Variants in TBCD observed in about 807,000 individuals in gnomAD.
The protein encoded by TBCD is tubulin-specific chaperone D.
TBCD carries 105 observed loss-of-function variants against 169.3 expected under a neutral mutation model. The ratio of observed to expected loss-of-function variants is 0.62; its 90% CI spans 0.53 to 0.73. The LOEUF is 0.73. TBCD is among the 30% of genes least tolerant of loss of function. TBCD has a pLI of 0.00. For synonymous variants in TBCD, 700 were observed against 643.9 expected, an observed-to-expected ratio of 1.09 and a Z score of -1.32; for missense variants, 1,444 against 1,600.1, an observed-to-expected ratio of 0.90 and a Z score of 1.66.
At chr17:82,805,841 C>T (rs2050919924) in intron 9 of TBCD, 34 bp from the exon 10 acceptor site, 3 of 1,583,396 alleles carry the variant, frequency 1.9e-6, no homozygotes, top group Non-Finnish European at 2.6e-6. Flanking sequence ...CTGTGAGCTA[C>T]AAAGCTGATC....
Position 82,874,699 on chromosome 17 carries a change from G to A in TBCD, c.1475+4319G>A, listed in dbSNP as rs1278528913. Among the ~76,000 whole-genome samples, 2 of 152,216 alleles carry A rather than the reference G, an allele frequency of 1.3e-5. No individual in the cohort carries two copies. Among genetic ancestry groups the A allele is most frequent in the Non-Finnish European group, 2.9e-5 (2 of 68,030 alleles). ...ATCCGGCCGGGCGGGCTGTGAGTCAGGCTGCACCAGGTGAGCGTGTGGGAT... is the reference window on the plus strand; with the variant it reads ...ATCCGGCCGGGCGGGCTGTGAGTCAAGCTGCACCAGGTGAGCGTGTGGGAT... On this transcript the variant is annotated intron_variant, in intron 14 of 38. Transcript: ENST00000355528. The surrounding 1 kb of genome is among the most constrained non-coding windows in gnomAD (Gnocchi z 5.0).
Position 82,944,929 on chromosome 17 carries a change from A to AATCT in TBCD, c.*2471_*2474dup, listed in dbSNP as rs1421703842. On this transcript the variant is annotated 3_prime_UTR_variant, in exon 39 of 39. Coordinates refer to ENST00000355528, the MANE Select transcript of TBCD (RefSeq NM_005993.5). Reference sequence around the variant, plus strand: ...GGAACAGCAGCAAGACTCTTATCTCAATCTATCTCCCCTGAAGTGGCCTGA... The same window carrying AATCT: ...GGAACAGCAGCAAGACTCTTATCTCAATCTATCTATCTCCCCTGAAGTGGCCTGA... The AATCT allele has an allele frequency of 6.6e-6, 1 of 152,184 alleles. No homozygotes were observed. The highest frequency in any genetic ancestry group is 2.4e-5 in the African/African-American group (1 of 41,448). The allele number at this position is 152,184 out of a possible 1,614,324, so 9.4% of individuals were successfully genotyped here. A position where few individuals can be genotyped will look rare whatever the true frequency, so the allele number is the denominator to read the frequency against.
intron 13 of TBCD, among the ~76,000 whole-genome samples, chr17:82,858,330 C>T (rs1487574991): frequency 2.0e-5 from 3 of 152,160 alleles, no homozygotes; most frequent in Non-Finnish European, 4.4e-5. Context: ...AGAAAGCAAC[C>T]TCTTCATGAA....
chr17:82,923,123 C>T lies in TBCD; in HGVS notation c.2179-529C>T, dbSNP rs937755571. ...AGGCTGACGTGGCTTGGCCTGAAGG[C>T]CCTGCCCCGTTACTCTGGGTGCATA... is the stretch of plus-strand genomic sequence containing the variant. On this transcript the variant is annotated intron_variant, in intron 25 of 38. Coordinates refer to ENST00000355528, the MANE Select transcript of TBCD (RefSeq NM_005993.5). The surrounding 1 kb of genome is among the most constrained non-coding windows in gnomAD (Gnocchi z 4.6). Among the ~76,000 whole-genome samples, 3 of 152,202 alleles carry T rather than the reference C, an allele frequency of 2.0e-5. No individual in the cohort carries two copies. Among genetic ancestry groups the T allele is most frequent in the African/African-American group, 7.2e-5 (3 of 41,452 alleles).
chr17:82,842,926 G>A (rs994531998), intron 13 of TBCD, among the ~76,000 whole-genome samples: 4 of 151,700 alleles, frequency 2.6e-5, no homozygotes, highest in Non-Finnish European at 5.9e-5. Flanking sequence ...GACTACAGGC[G>A]CCCTCCACCA....
At position 82,903,348 on chromosome 17, in the gene TBCD, G is replaced by A; in HGVS notation, c.1731-57G>A. ...CTCCCTCACTTTCTTTTTATGAATT[G>A]AATAAAGCTAGAATCATAAAATGAA... On this transcript the variant is annotated intron_variant, in intron 18 of 38. Transcript: ENST00000355528. The surrounding 1 kb of genome is among the most constrained non-coding windows in gnomAD (Gnocchi z 4.8). The A allele has an allele frequency of 1.3e-6, 2 of 1,490,374 alleles. No individual in the cohort carries two copies. Among genetic ancestry groups the A allele is most frequent in the Middle Eastern group, 3.4e-4 (2 of 5,886 alleles). 92.3% of individuals were successfully genotyped at this position (1,490,374 alleles called of 1,614,324 possible). A position where few individuals can be genotyped will look rare whatever the true frequency, so the allele number is the denominator to read the frequency against.
chr17:82,931,319 G>A (rs1381135247), intron 33 of TBCD, among the ~76,000 whole-genome samples: 1 of 152,192 alleles, frequency 6.6e-6, no homozygotes, highest in Non-Finnish European at 1.5e-5. Flanking sequence ...GCACATAAAG[G>A]GGCAGTTCGA....
At chr17:82,846,319 C>CCCTCTGCTGCCCCCTCCACAT (rs1289886029) in intron 13 of TBCD, among the ~76,000 whole-genome samples, 1 of 74,776 alleles carries the variant, frequency 1.3e-5, no homozygotes, top group Non-Finnish European at 3.2e-5. Flanking sequence ...CTGCGTCCAG[C>CCCTCTGCTGCCCCCTCCACAT]GTGCCGTGTC....
At position 82,893,635 on chromosome 17, in the gene TBCD, A is replaced by T; in HGVS notation, c.1649+3A>T. 6.3e-7 allele frequency: 1 copy of T among 1,596,806 alleles called. No homozygotes were observed. Among genetic ancestry groups the T allele is most frequent in the South Asian group, 1.1e-5 (1 of 88,238 alleles). ...TCCAACTGTTTCCTGGTTATAAGGT[A>T]AGTCTTTAATGTATATCACAAAAAT... is the stretch of plus-strand genomic sequence containing the variant. On this transcript the variant is annotated splice_donor_region_variant and intron_variant, in intron 17 of 38. Transcript: ENST00000355528.
intron 8 of TBCD, among the ~76,000 whole-genome samples, chr17:82,798,299 A>G (rs2050258052): frequency 2.6e-5 from 4 of 152,236 alleles, no homozygotes; most frequent in Middle Eastern, 3.4e-3. Flanking sequence ...GGTGCCTGCC[A>G]CAATGCCCAG....
In TBCD at chr17:82,945,108, G is replaced by C. The variant is rs1385888612; in HGVS notation, c.*2645G>C. 8 of 152,110 alleles carry C rather than the reference G, an allele frequency of 5.3e-5. No homozygotes were observed. The highest frequency in any genetic ancestry group is 1.0e-4 in the Non-Finnish European group (7 of 68,022). The allele number at this position is 152,110 out of a possible 1,614,324, so 9.4% of individuals were successfully genotyped here. A position where few individuals can be genotyped will look rare whatever the true frequency, so the allele number is the denominator to read the frequency against. On this transcript the variant is annotated 3_prime_UTR_variant, in exon 39 of 39. Coordinates refer to ENST00000355528, the MANE Select transcript of TBCD (RefSeq NM_005993.5). ...TATAATATGAGTACATTTTTGAAAA[G>C]GGCTAGAAATGATCAAGAAGAGATT...
chr17:82,896,233 T>C (rs1000999533), intron 17 of TBCD, among the ~76,000 whole-genome samples: 24 of 152,180 alleles, frequency 1.6e-4, no homozygotes, highest in African/African-American at 5.8e-4. Flanking sequence ...CCATGCTTCC[T>C]GCAGACTGTC....
At chr17:82,902,628 C>G (rs1428513945) in intron 18 of TBCD, among the ~76,000 whole-genome samples, 2 of 152,252 alleles carry the variant, frequency 1.3e-5, no homozygotes, top group Non-Finnish European at 2.9e-5. Context: ...GTGGTCCTGC[C>G]AGCGCGGGCG....
intron 13 of TBCD, among the ~76,000 whole-genome samples, chr17:82,826,846 G>T (rs910399698): frequency 1.3e-5 from 2 of 152,110 alleles, no homozygotes; most frequent in Non-Finnish European, 2.9e-5. Context: ...TGTGATCATG[G>T]CTCACTACAA....
At chr17:82,827,787 G>A (rs1212581942) in intron 13 of TBCD, among the ~76,000 whole-genome samples, 1 of 150,830 alleles carries the variant, frequency 6.6e-6, no homozygotes, top group Non-Finnish European at 1.5e-5. Flanking sequence ...ATATGTACAC[G>A]TGGACACCCA....
intron 13 of TBCD, among the ~76,000 whole-genome samples, chr17:82,868,215 G>T (rs777228615): frequency 5.3e-5 from 8 of 152,210 alleles, no homozygotes; most frequent in Non-Finnish European, 8.8e-5. Flanking sequence ...GCTGGCCATG[G>T]CGGGGGCACC....
chr17:82,838,916 G>T, intron 13 of TBCD: 3 of 985,398 alleles, frequency 3.0e-6, no homozygotes, highest in Non-Finnish European at 2.4e-6. Context: ...CTTTGCTAAT[G>T]CGCAGTGAAA....
At chr17:82,786,360 G>T (rs2049317671) in intron 7 of TBCD, among the ~76,000 whole-genome samples, 1 of 152,238 alleles carries the variant, frequency 6.6e-6, no homozygotes, top group African/African-American at 2.4e-5. Context: ...TGTCTCCAAT[G>T]GCTCTGCCCC....
intron 28 of TBCD, 98 bp from the exon 29 acceptor site, chr17:82,927,088 G>C (rs769528718): frequency 6.5e-7 from 1 of 1,547,348 alleles, no homozygotes; most frequent in Non-Finnish European, 8.8e-7. Flanking sequence ...TGTTCTGAGC[G>C]TGTCTTCTCA....
Sources: allele counts gnomAD v4.1 joint callset (sites outside exome capture counted in the v4.1 genomes callset), GRCh38; gene constraint gnomAD v4.1.1; non-coding constraint Gnocchi (gnomAD v3.1); transcripts MANE v1.5; gene names NCBI Gene and HGNC (gene_info 2026-07-23, HGNC 2026-07-21).